ADGRL3: variants seen among roughly 807,000 people sequenced by gnomAD.
The protein encoded by ADGRL3 is calcium-independent alpha-latrotoxin receptor 3.
A neutral mutation model predicts 153.5 loss-of-function variants in ADGRL3; 62 were observed. That is an observed-to-expected ratio of 0.40 (90% confidence interval 0.33 to 0.50). The LOEUF (loss-of-function observed/expected upper bound fraction) is 0.50, where lower values mean the gene tolerates loss of function less well. Among genes scored for constraint, ADGRL3 ranks in the 20% least tolerant of loss-of-function variants. The pLI is 0.47. For missense variants in ADGRL3, 1,641 were observed against 1,859.4 expected, an observed-to-expected ratio of 0.88 and a Z score of 2.16; for synonymous variants, 710 against 672.5, an observed-to-expected ratio of 1.06 and a Z score of -0.86.
intron 1 of ADGRL3, among the ~76,000 whole-genome samples, chr4:61,224,086 T>A (rs370251093): frequency 6.6e-6 from 1 of 152,050 alleles, no homozygotes; most frequent in East Asian, 1.9e-4. Flanking sequence ...ATACTTAAAT[T>A]TTTATTTTCA....
intron 8 of ADGRL3, among the ~76,000 whole-genome samples, chr4:61,770,453 G>C (rs575847173): frequency 7.2e-5 from 11 of 152,156 alleles, no homozygotes; most frequent in Non-Finnish European, 1.6e-4. Context: ...CACAAAGAAA[G>C]GATGTATGGT....
intron 1 of ADGRL3, among the ~76,000 whole-genome samples, chr4:61,364,331 C>CAAAAA (rs33966342): frequency 1.6e-5 from 2 of 128,136 alleles, no homozygotes; most frequent in African/African-American, 3.0e-5. Context: ...GACTCCGTCT[C>CAAAAA]AAAAAAAAAA....
intron 2 of ADGRL3, among the ~76,000 whole-genome samples, chr4:61,465,899 A>T (rs893357375): frequency 3.3e-5 from 5 of 151,662 alleles, no homozygotes; most frequent in African/African-American, 4.8e-5. Flanking sequence ...ATGCGGGTGG[A>T]TTGCCTGAAC....
intron 3 of ADGRL3, among the ~76,000 whole-genome samples, chr4:61,498,602 C>A (rs751222003): frequency 9.9e-5 from 15 of 151,976 alleles, no homozygotes; most frequent in Non-Finnish European, 2.2e-4. Flanking sequence ...TGTGTGTTTT[C>A]ACTTTTTAAA....
At chr4:62,004,264 A>G (rs1165683737) in intron 21 of ADGRL3, among the ~76,000 whole-genome samples, 1 of 151,632 alleles carries the variant, frequency 6.6e-6, no homozygotes, top group Non-Finnish European at 1.5e-5. Context: ...TGTTAATAAT[A>G]AATATATATA....
At position 61,895,804 on chromosome 4, in the gene ADGRL3, T is replaced by C; in HGVS notation, c.1857T>C (p.Ser619=). The change falls in exon 11 of 27, where the codon TCT becomes TCC. Residue 619 remains serine (S), a synonymous_variant. Coordinates refer to ENST00000683033, the MANE Select transcript of ADGRL3 (RefSeq NM_001387552.1). ...DPQGPDLSNC[S]SPWVNHITQK... The stretch of plus-strand genomic sequence containing the variant: ...AAGGTCCAGATCTCAGCAACTGTTC[T>C]TCTCCTTGGGTCAATCATATAACAC... The C allele has an allele frequency of 6.3e-7, 1 of 1,597,208 alleles. No individual in the cohort carries two copies. Among genetic ancestry groups the C allele is most frequent in the Non-Finnish European group, 8.5e-7 (1 of 1,170,904 alleles).
rs896491938 is a variant in ADGRL3, at chr4:61,708,432, A to C, written c.584-22190A>C. 2.6e-5 allele frequency among the ~76,000 whole-genome samples: 4 copies of C among 152,020 alleles called. No homozygotes were observed. In the East Asian group the frequency reaches 7.7e-4, roughly 29 times the overall value. Reference sequence around the variant, plus strand: ...AAATATGGTTTAAAACATGTTTTTAAAGGTACTTTAAAAAAATCTAGCTAC... The same window carrying C: ...AAATATGGTTTAAAACATGTTTTTACAGGTACTTTAAAAAAATCTAGCTAC... On this transcript the variant is annotated intron_variant, in intron 6 of 26. Coordinates refer to ENST00000683033, the MANE Select transcript of ADGRL3 (RefSeq NM_001387552.1).
intron 8 of ADGRL3, among the ~76,000 whole-genome samples, chr4:61,775,084 G>A (rs1036975021): frequency 8.9e-4 from 135 of 152,188 alleles, no homozygotes; most frequent in African/African-American, 3.2e-3. Flanking sequence ...ATTTCCAATT[G>A]TCTTCAGTTC....
intron 2 of ADGRL3, among the ~76,000 whole-genome samples, chr4:61,414,133 G>T (rs2097120687): frequency 6.6e-6 from 1 of 152,154 alleles, no homozygotes; most frequent in African/African-American, 2.4e-5. Context: ...ATTATCTCAG[G>T]AGTCACTATT....
chr4:61,863,398 C>T (rs994014990), intron 9 of ADGRL3, among the ~76,000 whole-genome samples: 1 of 151,370 alleles, frequency 6.6e-6, no homozygotes, highest in Non-Finnish European at 1.5e-5. Context: ...CCACTACGCC[C>T]GGCTAATTTT....
chr4:61,726,248 G>T (rs2096341962), intron 6 of ADGRL3, among the ~76,000 whole-genome samples: 1 of 144,768 alleles, frequency 6.9e-6, no homozygotes. Context: ...GCCCAGGTTG[G>T]AGTGCAGTGG....
intron 2 of ADGRL3, among the ~76,000 whole-genome samples, chr4:61,469,609 C>G (rs1292443693): frequency 6.6e-6 from 1 of 151,968 alleles, no homozygotes; most frequent in Non-Finnish European, 1.5e-5. Flanking sequence ...TTACACTATC[C>G]TAACAGCATT....
At chr4:61,982,475 A>T (rs1321204158) in intron 18 of ADGRL3, among the ~76,000 whole-genome samples, 1 of 152,148 alleles carries the variant, frequency 6.6e-6, no homozygotes, top group Non-Finnish European at 1.5e-5. Context: ...GATCATACTC[A>T]TCAATGAATT....
At chr4:61,751,139 CTGA>C (rs2096752462) in intron 8 of ADGRL3, among the ~76,000 whole-genome samples, 1 of 152,156 alleles carries the variant, frequency 6.6e-6, no homozygotes, top group Admixed American at 6.6e-5. Context: ...TAACTAATGC[CTGA>C]TGATCTGAGA....
chr4:61,970,538 T>C (rs2099023300), intron 17 of ADGRL3, among the ~76,000 whole-genome samples: 2 of 152,132 alleles, frequency 1.3e-5, no homozygotes, highest in African/African-American at 4.8e-5. Flanking sequence ...GCATAATAAG[T>C]ATGCTTCTGA....
At chr4:61,315,937 G>A (rs193119707) in intron 1 of ADGRL3, among the ~76,000 whole-genome samples, 6 of 152,120 alleles carry the variant, frequency 3.9e-5, no homozygotes, top group East Asian at 1.9e-4. Context: ...TTCATACATT[G>A]GATATTTATT....
chr4:61,718,605 G>A (rs1485810454), intron 6 of ADGRL3, among the ~76,000 whole-genome samples: 2 of 152,110 alleles, frequency 1.3e-5, no homozygotes, highest in African/African-American at 4.8e-5. Flanking sequence ...TAAAATTAAA[G>A]ATTTAATAAG....
chr4:61,361,240 A>T (rs1044638277), intron 1 of ADGRL3, among the ~76,000 whole-genome samples: 1 of 152,156 alleles, frequency 6.6e-6, no homozygotes, highest in Admixed American at 6.5e-5. Flanking sequence ...TTTAATAATA[A>T]TAATTATATC....
intron 21 of ADGRL3, among the ~76,000 whole-genome samples, chr4:62,005,734 G>T (rs2099155013): frequency 6.6e-6 from 1 of 151,630 alleles, no homozygotes; most frequent in African/African-American, 2.4e-5. Context: ...TGAAGAGTAA[G>T]ATTTCATAAG....
Sources: gnomAD v4.1 joint callset for allele counts (sites outside exome capture counted in the v4.1 genomes callset) on GRCh38, gnomAD v4.1.1 for gene constraint, MANE v1.5 for transcripts, NCBI Gene and HGNC (gene_info 2026-07-23, HGNC 2026-07-21) for gene names.